Variants in ADPRHL1 observed in about 807,000 individuals in gnomAD.
The protein encoded by ADPRHL1 is ADP-ribosylhydrolase like 1.
A neutral mutation model predicts 44.1 loss-of-function variants in ADPRHL1; 43 were observed. The ratio of observed to expected loss-of-function variants is 0.98; its 90% CI spans 0.76 to 1.26. ADPRHL1 has a LOEUF of 1.26. Among genes scored for constraint, ADPRHL1 ranks in the 50% most tolerant of loss-of-function variants. ADPRHL1 has a pLI of 0.00. For missense variants in ADPRHL1, 2,022 were observed against 2,496.9 expected, an observed-to-expected ratio of 0.81 and a Z score of 4.05; for synonymous variants, 878 against 1,017.4, an observed-to-expected ratio of 0.86 and a Z score of 2.61.
Position 113,448,312 on chromosome 13 carries a change from G to A in ADPRHL1, c.215-3723C>T, listed in dbSNP as rs112212306. ...GTTCGAGACCAGCCTGGGCAACATA[G>A]TGAAACCCCCGTCTCTACTAAAAAT... On this transcript the variant is annotated intron_variant, in intron 1 of 7. Coordinates refer to ENST00000612156, the MANE Select transcript of ADPRHL1 (RefSeq NM_001394807.1). 4.1e-3 allele frequency among the ~76,000 whole-genome samples: 625 copies of A among 151,872 alleles called. 6 individuals are homozygous for A. Among genetic ancestry groups the A allele is most frequent in the African/African-American group, 0.014 (598 of 41,372 alleles).
intron 7 of ADPRHL1, among the ~76,000 whole-genome samples, chr13:113,416,643 G>A (rs1457706885): frequency 6.6e-6 from 1 of 152,160 alleles, no homozygotes; most frequent in Non-Finnish European, 1.5e-5. Flanking sequence ...GATTATAAAG[G>A]AAACCGATGA....
At chr13:113,445,601 C>T (rs913741361) in intron 1 of ADPRHL1, among the ~76,000 whole-genome samples, 3 of 152,194 alleles carry the variant, frequency 2.0e-5, no homozygotes, top group Admixed American at 6.5e-5. Flanking sequence ...AATTCCCCAC[C>T]TTTGGGGAGG....
chr13:113,440,743 C>T (rs114674543), intron 2 of ADPRHL1, among the ~76,000 whole-genome samples: 1 of 152,156 alleles, frequency 6.6e-6, no homozygotes, highest in African/African-American at 2.4e-5. Context: ...GTGTGAGCCA[C>T]TGCACCTGGT....
At chr13:113,426,345 C>A (rs930096586) in intron 4 of ADPRHL1, among the ~76,000 whole-genome samples, 1 of 152,256 alleles carries the variant, frequency 6.6e-6, no homozygotes, top group Non-Finnish European at 1.5e-5. Context: ...ACCGCGGGAG[C>A]CACAGAGGGT....
At position 113,405,384 on chromosome 13, in the gene ADPRHL1, C is replaced by T; in HGVS notation, c.3898G>A (p.Glu1300Lys). ...GCCCCACGGGGAAACCTGACGCCCTCCCTGCCCTTTGCCTGTGGGTTCTCA... is the reference window on the plus strand; with the variant it reads ...GCCCCACGGGGAAACCTGACGCCCTTCCTGCCCTTTGCCTGTGGGTTCTCA... ...PPENPQAKGREGVRFPRGAEP... is the reference protein window; with the variant it reads ...PPENPQAKGRKGVRFPRGAEP... Residue 1300 changes from glutamate to lysine, a missense_variant, in exon 8 of 8, where the codon GAG becomes AAG. Glu to Lys is a moderately conservative substitution (Grantham distance 56). This residue lies in a region of ADPRHL1 where 1,221 missense variants were observed against 1,517.8 expected (regional missense o/e 0.80). Coordinates refer to ENST00000612156, the MANE Select transcript of ADPRHL1 (RefSeq NM_001394807.1). The T allele has an allele frequency of 8.1e-7, 1 of 1,231,988 alleles. No individual in the cohort carries two copies. The highest frequency in any genetic ancestry group is 1.0e-6 in the Non-Finnish European group (1 of 988,156). The allele number at this position is 1,231,988 out of a possible 1,614,324, so 76.3% of individuals were successfully genotyped here.
Position 113,429,032 on chromosome 13 carries a change from A to G in ADPRHL1, c.566T>C (p.Leu189Pro). 1.2e-6 allele frequency: 2 copies of G among 1,612,864 alleles called. No individual in the cohort carries two copies. The highest frequency in any genetic ancestry group is 1.7e-6 in the Non-Finnish European group (2 of 1,179,990). Residue 189 changes from leucine (L) to proline (P), a missense_variant, in exon 4 of 8, where the codon CTG becomes CCG. Around this residue, in one of 8 missense-constraint regions of ADPRHL1, gnomAD observed 437 missense variants for 430.7 expected, o/e 1.01. Coordinates refer to ENST00000612156, the MANE Select transcript of ADPRHL1 (RefSeq NM_001394807.1). ...CAGCATGTCTCTCCCCCACTGGACC[A>G]GGGGCTTTCCTTGTGCGGCGAACGA... ...FVSFAAQGKP[L>P]VQWGRDMLRA...
intron 7 of ADPRHL1, among the ~76,000 whole-genome samples, chr13:113,421,210 ACGCCCACCCCCAGGACACC>A (rs1595542646): frequency 3.3e-5 from 2 of 59,974 alleles, no homozygotes; most frequent in African/African-American, 6.8e-5. Context: ...CCCCCGGGAC[ACGCCCACCCCCAGGACACC>A]TCTACCCCCG....
chr13:113,445,604 T>TGGGGA (rs1350027478), intron 1 of ADPRHL1, among the ~76,000 whole-genome samples: 1 of 151,892 alleles, frequency 6.6e-6, no homozygotes, highest in East Asian at 1.9e-4. Flanking sequence ...TCCCCACCTT[T>TGGGGA]GGGGAGGGGA....
chr13:113,400,071 C>T lies in ADPRHL1; in HGVS notation c.*3307G>A, dbSNP rs570228407. ...TGCAGGGAGGAGGCAGTCAACGAGT[C>T]GCTCAACTACACAAAATTAATGATG... is the stretch of plus-strand genomic sequence containing the variant. On this transcript the variant is annotated 3_prime_UTR_variant, in exon 8 of 8. Transcript: ENST00000612156. 3 of 151,896 alleles carry T rather than the reference C, an allele frequency of 2.0e-5. No homozygotes were observed. Among genetic ancestry groups the T allele is most frequent in the African/African-American group, 7.2e-5 (3 of 41,466 alleles). 9.4% of individuals were successfully genotyped at this position (151,896 alleles called of 1,614,324 possible).
chr13:113,417,319 G>C (rs1053395477), intron 7 of ADPRHL1, among the ~76,000 whole-genome samples: 1 of 152,240 alleles, frequency 6.6e-6, no homozygotes, highest in South Asian at 2.1e-4. Flanking sequence ...CAGAGTGGGG[G>C]GTCCTGGGCG....
At chr13:113,420,075 C>T (rs2043907906) in intron 7 of ADPRHL1, among the ~76,000 whole-genome samples, 1 of 152,154 alleles carries the variant, frequency 6.6e-6, no homozygotes, top group Admixed American at 6.6e-5. Context: ...CAGCTTTCCC[C>T]ACACGCCGCC....
At chr13:113,420,989 C>G (rs1272917602) in intron 7 of ADPRHL1, among the ~76,000 whole-genome samples, 1 of 123,638 alleles carries the variant, frequency 8.1e-6, no homozygotes, top group Non-Finnish European at 1.7e-5. Flanking sequence ...CCCCCAGGAC[C>G]GCCAACCCCT....
intron 1 of ADPRHL1, among the ~76,000 whole-genome samples, chr13:113,447,734 T>C (rs2044152674): frequency 6.6e-6 from 1 of 152,200 alleles, no homozygotes; most frequent in East Asian, 1.9e-4. Context: ...TGCAGTCTCA[T>C]AGGAGAGGTG....
At chr13:113,439,535 C>T (rs2044083682) in intron 2 of ADPRHL1, among the ~76,000 whole-genome samples, 2 of 151,836 alleles carry the variant, frequency 1.3e-5, no homozygotes, top group African/African-American at 2.4e-5. Flanking sequence ...GCAACATCCA[C>T]CTCCTGGGTT....
At chr13:113,410,729 A>C (rs962007942) in intron 7 of ADPRHL1, among the ~76,000 whole-genome samples, 25 of 152,114 alleles carry the variant, frequency 1.6e-4, no homozygotes, top group Admixed American at 1.6e-3. Context: ...CGACAGGCGC[A>C]CCCTCAACTG....
intron 2 of ADPRHL1, among the ~76,000 whole-genome samples, chr13:113,437,403 G>A (rs913091592): frequency 2.0e-5 from 3 of 151,654 alleles, no homozygotes; most frequent in African/African-American, 7.3e-5. Flanking sequence ...GTGTACCCCG[G>A]GACCCAGCAC....
At chr13:113,408,303 C>A in intron 7 of ADPRHL1, 83 bp from the exon 8 acceptor site, 1 of 1,221,970 alleles carries the variant, frequency 8.2e-7, no homozygotes, top group Non-Finnish European at 1.0e-6. Context: ...ATGGGGCAAT[C>A]CCACCTTTTC....
intron 7 of ADPRHL1, among the ~76,000 whole-genome samples, chr13:113,420,368 G>A (rs1469552803): frequency 2.0e-5 from 3 of 152,124 alleles, no homozygotes; most frequent in Non-Finnish European, 2.9e-5. Flanking sequence ...TTTGATTTGC[G>A]GATGGAGACC....
intron 3 of ADPRHL1, among the ~76,000 whole-genome samples, chr13:113,429,827 G>C (rs1472451188): frequency 6.6e-6 from 1 of 152,272 alleles, no homozygotes; most frequent in East Asian, 1.9e-4. Flanking sequence ...TTAGCAGCCA[G>C]CAAGCTCATC....
Sources: allele counts gnomAD v4.1 joint callset (sites outside exome capture counted in the v4.1 genomes callset), GRCh38; gene constraint gnomAD v4.1.1; regional missense constraint gnomAD v4.1.1; transcripts MANE v1.5; gene names NCBI Gene and HGNC (gene_info 2026-07-23, HGNC 2026-07-21).